SUPT20H: variants seen among roughly 807,000 people sequenced by gnomAD.
SUPT20H encodes the protein SPT20 homolog, SAGA complex component.
SUPT20H carries 82 observed loss-of-function variants against 122.8 expected under a neutral mutation model. That is an observed-to-expected ratio of 0.67 (90% confidence interval 0.56 to 0.80). The LOEUF is 0.80. Among genes scored for constraint, SUPT20H ranks in the 30% least tolerant of loss-of-function variants. SUPT20H has a pLI of 0.00. For missense variants in SUPT20H, 831 were observed against 921.6 expected, an observed-to-expected ratio of 0.90 and a Z score of 1.27; for synonymous variants, 291 against 313.0, an observed-to-expected ratio of 0.93 and a Z score of 0.74.
chr13:37,047,917 C>A lies in SUPT20H; in HGVS notation c.59G>T (p.Arg20Leu). 6.2e-7 allele frequency: 1 copy of A among 1,604,458 alleles called. No homozygotes were observed. Residue 20 changes from arginine (R) to leucine (L), a missense_variant, in exon 4 of 26, where the codon CGA becomes CTA. Physicochemically the swap from Arg to Leu is moderately radical, Grantham distance 102 (BLOSUM62 -2). Transcript: ENST00000350612. ...DRAEYVIESA[R>L]QRPPKRKYLS... ...GTATTTCCTTTTAGGAGGTCTCTGT[C>A]GGGCACTTTCAATGACATACTAAAA...
intron 12 of SUPT20H, 69 bp from the exon 13 acceptor site, chr13:37,029,905 T>C: frequency 2.4e-6 from 3 of 1,259,842 alleles, no homozygotes; most frequent in African/African-American, 3.1e-5. Context: ...ATCAGTATTC[T>C]GATCAAAGAG....
chr13:37,031,673 A>G, intron 11 of SUPT20H, 50 bp from the exon 12 acceptor site: 1 of 1,541,112 alleles, frequency 6.5e-7, no homozygotes, highest in Middle Eastern at 1.9e-4. Flanking sequence ...ATATAAATAT[A>G]CTGAAAATGC....
chr13:37,024,396 AC>A lies in SUPT20H; in HGVS notation c.1375del (p.Val459Ter), dbSNP rs767502490. Reference sequence around the variant, plus strand: ...TTTGATTGGTGGGGGTCGATGTTTTACACCCTTCCCCAATACCGAAGACTGA... The same window carrying A: ...TTTGATTGGTGGGGGTCGATGTTTTAACCCTTCCCCAATACCGAAGACTGA... ...SVQSSVLGKG[V>X]KHRPPPIKLP... On this transcript the variant is annotated frameshift_variant, in exon 18 of 26. Transcript: ENST00000350612. LOFTEE classifies it high-confidence loss of function. 6.3e-7 allele frequency: 1 copy of A among 1,593,976 alleles called. No homozygotes were observed. The highest frequency in any genetic ancestry group is 8.5e-7 in the Non-Finnish European group (1 of 1,172,650).
chr13:37,058,385 A>C (rs866263232), intron 1 of SUPT20H, among the ~76,000 whole-genome samples: 1 of 152,224 alleles, frequency 6.6e-6, no homozygotes, highest in Non-Finnish European at 1.5e-5. Flanking sequence ...AAAAGCTCGT[A>C]GGAGGTTTAA....
intron 21 of SUPT20H, among the ~76,000 whole-genome samples, chr13:37,020,365 G>A (rs1363778365): frequency 6.6e-6 from 1 of 152,078 alleles, no homozygotes; most frequent in Non-Finnish European, 1.5e-5. Context: ...TCTGTATAAT[G>A]CTTTCTAGCT....
Position 37,040,720 on chromosome 13 carries a change from A to AT in SUPT20H, c.397-29dup, listed in dbSNP as rs201128156. 1,960 of 1,551,944 alleles carry AT rather than the reference A, an allele frequency of 1.3e-3. 10 individuals carry two copies. Among genetic ancestry groups the AT allele is most frequent in the South Asian group, 7.0e-3 (609 of 86,762 alleles). On this transcript the variant is annotated intron_variant, in intron 7 of 25. Transcript: ENST00000350612. ...GTTTGGGCAAAAATACGTAAACGTCATTTTTTTTTCCAAAAGCCTAAATAA... is the reference window on the plus strand; with the variant it reads ...GTTTGGGCAAAAATACGTAAACGTCATTTTTTTTTTCCAAAAGCCTAAATAA...
At chr13:37,024,577 A>G (rs2061889886) in intron 17 of SUPT20H, 135 bp from the exon 18 acceptor site, 1 of 537,362 alleles carries the variant, frequency 1.9e-6, no homozygotes, top group Non-Finnish European at 3.0e-6. Context: ...AACTCTGCAA[A>G]GTGCTCTTAG....
intron 19 of SUPT20H, among the ~76,000 whole-genome samples, chr13:37,023,289 G>C (rs1388056728): frequency 6.6e-6 from 1 of 152,126 alleles, no homozygotes; most frequent in African/African-American, 2.4e-5. Context: ...TCACTGTGCA[G>C]TGTACTAAAA....
At chr13:37,050,295 A>C (rs2067381235) in intron 2 of SUPT20H, among the ~76,000 whole-genome samples, 1 of 151,128 alleles carries the variant, frequency 6.6e-6, no homozygotes, top group Non-Finnish European at 1.5e-5. Flanking sequence ...CCAAGGTGGG[A>C]AATCAGGAGT....
In SUPT20H at chr13:37,015,401, T is replaced by G. The variant is rs903404934; in HGVS notation, c.1992+1844A>C. The stretch of plus-strand genomic sequence containing the variant: ...GGCCAACATGCATATGAAAAGATGC[T>G]CCACACCACTAGTCATTAAGGAAAT... On this transcript the variant is annotated intron_variant, in intron 23 of 25. Coordinates refer to ENST00000350612, the MANE Select transcript of SUPT20H (RefSeq NM_001014286.3). 5.4e-5 allele frequency among the ~76,000 whole-genome samples: 8 copies of G among 148,580 alleles called. No individual in the cohort carries two copies. In the Admixed American group the frequency reaches 5.4e-4, roughly 10 times the overall value.
intron 1 of SUPT20H, among the ~76,000 whole-genome samples, chr13:37,057,306 A>G (rs2069312382): frequency 1.3e-5 from 2 of 151,914 alleles, no homozygotes. Flanking sequence ...AAAAAAAAAA[A>G]GTTAGAAATA....
Position 37,031,645 on chromosome 13 carries a change from A to G in SUPT20H, c.865-22T>C, listed in dbSNP as rs548394841. ...CACACTGAAAAATTAAAAACAATAT[A>G]CTGAAAAATTAAAAACAATATAAAT... On this transcript the variant is annotated intron_variant, in intron 11 of 25. Coordinates refer to ENST00000350612, the MANE Select transcript of SUPT20H (RefSeq NM_001014286.3). 1.9e-6 allele frequency: 3 copies of G among 1,553,586 alleles called. No individual in the cohort carries two copies. In the African/African-American group the frequency reaches 4.2e-5, roughly 22 times the overall value.
rs1482490761 is a variant in SUPT20H, at chr13:37,059,607, G to C, written c.-142C>G. 6.6e-6 allele frequency: 1 copy of C among 152,306 alleles called. No individual in the cohort carries two copies. The highest frequency in any genetic ancestry group is 1.5e-5 in the Non-Finnish European group (1 of 68,074). The allele number at this position is 152,306 out of a possible 1,614,324, so 9.4% of individuals were successfully genotyped here. A position where few individuals can be genotyped will look rare whatever the true frequency, so the allele number is the denominator to read the frequency against. On this transcript the variant is annotated 5_prime_UTR_variant, in exon 1 of 26. Coordinates refer to ENST00000350612, the MANE Select transcript of SUPT20H (RefSeq NM_001014286.3). ...GGCCCCAAGACGGCGCCGCCTGCTC[G>C]GCAGCAAAGCCCACCCGCCCCGTCG... is the stretch of plus-strand genomic sequence containing the variant.
chr13:37,049,394 T>G (rs1053299722), intron 2 of SUPT20H, among the ~76,000 whole-genome samples: 1 of 152,164 alleles, frequency 6.6e-6, no homozygotes, highest in Admixed American at 6.6e-5. Flanking sequence ...TCTTCATTTG[T>G]AAAGCCATCA....
At chr13:37,035,900 A>G (rs1413226318) in intron 9 of SUPT20H, among the ~76,000 whole-genome samples, 2 of 152,216 alleles carry the variant, frequency 1.3e-5, no homozygotes, top group South Asian at 2.1e-4. Context: ...TAATATTTAT[A>G]CTACTACATA....
intron 20 of SUPT20H, 115 bp from the exon 21 acceptor site, chr13:37,021,717 G>C: frequency 8.4e-7 from 1 of 1,188,048 alleles, no homozygotes; most frequent in South Asian, 1.7e-5. Context: ...TTATTTATCT[G>C]TCTTAAATAT....
intron 9 of SUPT20H, chr13:37,039,004 T>C (rs544481460): frequency 1.3e-5 from 2 of 152,316 alleles, no homozygotes; most frequent in South Asian, 4.1e-4. Flanking sequence ...AGTTTACAAA[T>C]GGGTAACTTG....
chr13:37,056,233 A>G (rs913593356), intron 1 of SUPT20H, among the ~76,000 whole-genome samples: 5 of 152,214 alleles, frequency 3.3e-5, no homozygotes, highest in Admixed American at 1.3e-4. Context: ...TAGAAGTAGA[A>G]ATACCATTTG....
At position 37,047,548 on chromosome 13, in the gene SUPT20H, T is replaced by A; in HGVS notation, c.152A>T (p.Glu51Val). Residue 51 changes from glutamate to valine, a missense_variant, in exon 5 of 26, where the codon GAA becomes GTA. Coordinates refer to ENST00000350612, the MANE Select transcript of SUPT20H (RefSeq NM_001014286.3). ...ATGTATACTTACCTTAACTTCAGGT[T>A]CTTTTTCACATTCTTCAATATACAA... ...YDLYIEECEKEPEVKKLRRNV... is the reference protein window; with the variant it reads ...YDLYIEECEKVPEVKKLRRNV... 6.9e-7 allele frequency: 1 copy of A among 1,445,284 alleles called. No homozygotes were observed. Among genetic ancestry groups the A allele is most frequent in the South Asian group, 1.4e-5 (1 of 72,726 alleles). 89.5% of individuals were successfully genotyped at this position (1,445,284 alleles called of 1,614,324 possible). A position where few individuals can be genotyped will look rare whatever the true frequency, so the allele number is the denominator to read the frequency against.
Sources: allele counts gnomAD v4.1 joint callset (sites outside exome capture counted in the v4.1 genomes callset), GRCh38; gene constraint gnomAD v4.1.1; transcripts MANE v1.5; gene names NCBI Gene and HGNC (gene_info 2026-07-23, HGNC 2026-07-21).